Variants in ADCY5 observed in about 807,000 individuals in gnomAD.
The protein encoded by ADCY5 is adenylate cyclase type 5.
A neutral mutation model predicts 119.7 loss-of-function variants in ADCY5; 30 were observed. The ratio of observed to expected loss-of-function variants is 0.25; its 90% CI spans 0.19 to 0.34. The LOEUF (loss-of-function observed/expected upper bound fraction) is 0.34, where lower values mean the gene tolerates loss of function less well. Among genes scored for constraint, ADCY5 ranks in the 10% least tolerant of loss-of-function variants. The pLI is 1.00. For synonymous variants in ADCY5, 753 were observed against 762.2 expected, an observed-to-expected ratio of 0.99 and a Z score of 0.20; for missense variants, 1,324 against 1,775.2, an observed-to-expected ratio of 0.75 and a Z score of 4.57.
Position 123,352,587 on chromosome 3 carries a change from G to A in ADCY5, c.1135-6C>T. 6.2e-7 allele frequency: 1 copy of A among 1,607,272 alleles called. No individual in the cohort carries two copies. Among genetic ancestry groups the A allele is most frequent in the Non-Finnish European group, 8.5e-7 (1 of 1,175,278 alleles). On this transcript the variant is annotated splice_polypyrimidine_tract_variant and splice_region_variant and intron_variant, in intron 1 of 20. Coordinates refer to ENST00000462833, the MANE Select transcript of ADCY5 (RefSeq NM_183357.3). This position sits in a 1 kb window ranked among gnomAD's most constrained non-coding sequence, Gnocchi z 4.8. ...ATGAGAACATTGGAGACAAGCTGCA[G>A]AGGGAGAGAGGAGCACACCTAGCTC... is the stretch of plus-strand genomic sequence containing the variant.
Position 123,286,871 on chromosome 3 carries a change from T to A in ADCY5, c.3533-62A>T. The A allele has an allele frequency of 6.6e-7, 1 of 1,520,702 alleles. No individual in the cohort carries two copies. Among genetic ancestry groups the A allele is most frequent in the Non-Finnish European group, 8.8e-7 (1 of 1,137,564 alleles). The allele number at this position is 1,520,702 out of a possible 1,614,324, so 94.2% of individuals were successfully genotyped here. ...TCTGGCTTGACCTTGCCACCATCTG[T>A]CTCCCCACATGCTGCAGGTCCTTCT... is the stretch of plus-strand genomic sequence containing the variant. On this transcript the variant is annotated intron_variant, in intron 19 of 20. Transcript: ENST00000462833. This position sits in a 1 kb window ranked among gnomAD's most constrained non-coding sequence, Gnocchi z 4.2.
rs1388289268 is a variant in ADCY5, at chr3:123,332,537, C to T, written c.1518+27G>A. 5 of 1,575,246 alleles carry T rather than the reference C, an allele frequency of 3.2e-6. No homozygotes were observed. In the African/African-American group the frequency reaches 6.8e-5, roughly 21 times the overall value. Reference sequence around the variant, plus strand: ...CCCTCAACAGCCCAGGTCAGGCCACCCCAACCCCCGGCTCAGGGTGACTCA... The same window carrying T: ...CCCTCAACAGCCCAGGTCAGGCCACTCCAACCCCCGGCTCAGGGTGACTCA... On this transcript the variant is annotated intron_variant, in intron 4 of 20. Coordinates refer to ENST00000462833, the MANE Select transcript of ADCY5 (RefSeq NM_183357.3).
intron 3 of ADCY5, among the ~76,000 whole-genome samples, chr3:123,338,354 C>T (rs560464059): frequency 6.6e-6 from 1 of 152,230 alleles, no homozygotes; most frequent in Non-Finnish European, 1.5e-5. Context: ...CACATTCCCC[C>T]ACCTCCTGTC....
chr3:123,386,287 TC>T (rs200989924), intron 1 of ADCY5, among the ~76,000 whole-genome samples: 1 of 114,060 alleles, frequency 8.8e-6, no homozygotes, highest in South Asian at 3.4e-4. Context: ...GAGGCCACCA[TC>T]CTTAACGTCA....
rs1432763261 is a variant in ADCY5, at chr3:123,300,242, C to G, written c.2778G>C (p.Gln926His). 1 of 1,613,760 alleles carries G rather than the reference C, an allele frequency of 6.2e-7. No homozygotes were observed. Among genetic ancestry groups the G allele is most frequent in the Non-Finnish European group, 8.5e-7 (1 of 1,180,054 alleles). ...LSLLACSVFL[Q>H]ISCIGKLVLM... ...GCACCAGCTTCCCGATGCAGCTGAT[C>G]TGCAGGAACACGGAGCAGGCCAGCA... The change falls in exon 15 of 21, where the codon CAG becomes CAC. Residue 926 changes from glutamine (Q) to histidine (H), a missense_variant. This residue lies in a region of ADCY5 where 424 missense variants were observed against 546.8 expected (regional missense o/e 0.78). Transcript: ENST00000462833.
intron 1 of ADCY5, among the ~76,000 whole-genome samples, chr3:123,383,970 A>ACG (rs1378679236): frequency 1.8e-5 from 2 of 109,796 alleles, no homozygotes; most frequent in East Asian, 9.5e-4. Context: ...GCGCGCGCGC[A>ACG]CACACACACA....
intron 1 of ADCY5, among the ~76,000 whole-genome samples, chr3:123,364,670 G>C (rs1035638431): frequency 3.3e-5 from 5 of 151,946 alleles, no homozygotes; most frequent in African/African-American, 1.2e-4. Flanking sequence ...TAATCTAGGA[G>C]GCATTAAAAC....
At chr3:123,381,604 T>G (rs1218475438) in intron 1 of ADCY5, among the ~76,000 whole-genome samples, 1 of 152,246 alleles carries the variant, frequency 6.6e-6, no homozygotes, top group Non-Finnish European at 1.5e-5. Context: ...AATACTCTGT[T>G]GTTTCTGTCT....
chr3:123,419,929 C>A (rs752616614), intron 1 of ADCY5, among the ~76,000 whole-genome samples: 1 of 151,928 alleles, frequency 6.6e-6, no homozygotes, highest in African/African-American at 2.4e-5. Flanking sequence ...TTGTAGACAC[C>A]CCCCCACCCC....
At chr3:123,405,566 C>G (rs1056564438) in intron 1 of ADCY5, among the ~76,000 whole-genome samples, 41 of 152,182 alleles carry the variant, frequency 2.7e-4, no homozygotes, top group African/African-American at 9.9e-4. Context: ...ATGCAAGGCC[C>G]GTGGCCTTCC....
At chr3:123,368,186 T>G in intron 1 of ADCY5, 1 of 633,200 alleles carries the variant, frequency 1.6e-6, no homozygotes, top group East Asian at 3.1e-5. Flanking sequence ...ATGGAGCTAA[T>G]GACGCCTGCG....
At chr3:123,433,710 T>C (rs944178523) in intron 1 of ADCY5, among the ~76,000 whole-genome samples, 2 of 152,052 alleles carry the variant, frequency 1.3e-5, no homozygotes, top group Non-Finnish European at 2.9e-5. Flanking sequence ...GGGTCAGACT[T>C]CCAGGGCTGT....
At chr3:123,441,980 G>GAA (rs11382207) in intron 1 of ADCY5, among the ~76,000 whole-genome samples, 5,816 of 138,996 alleles carry the variant, frequency 0.042, 448 homozygotes, top group East Asian at 0.34. Context: ...CTTAAGGAAG[G>GAA]AAAAAAAAAA....
At chr3:123,339,587 T>C (rs1392378691) in intron 3 of ADCY5, among the ~76,000 whole-genome samples, 1 of 152,094 alleles carries the variant, frequency 6.6e-6, no homozygotes, top group Non-Finnish European at 1.5e-5. Flanking sequence ...CTCTCCACTC[T>C]CACAAGGACA....
chr3:123,318,067 C>A lies in ADCY5; in HGVS notation c.2307G>T (p.Ser769=), dbSNP rs200652199. 23 of 1,613,756 alleles carry A rather than the reference C, an allele frequency of 1.4e-5. No individual in the cohort carries two copies. The highest frequency in any genetic ancestry group is 2.2e-5 in the South Asian group (2 of 91,068). Reference sequence around the variant, plus strand: ...CAAAGCAGATGAAGAGGAAGACGAGCGAGGCACACGCCACATAGGCACCAA... The same window carrying A: ...CAAAGCAGATGAAGAGGAAGACGAGAGAGGCACACGCCACATAGGCACCAA... The part of the protein sequence containing the change: ...DRFGAYVACA[S]LVFLFICFVQ... The change falls in exon 11 of 21, where the codon TCG becomes TCT. Residue 769 remains serine (S), a synonymous_variant. Coordinates refer to ENST00000462833, the MANE Select transcript of ADCY5 (RefSeq NM_183357.3).
At chr3:123,336,738 GGCCTCTGCCCACCCGTGC>G (rs1159942676) in intron 3 of ADCY5, among the ~76,000 whole-genome samples, 2 of 152,184 alleles carry the variant, frequency 1.3e-5, no homozygotes, top group Non-Finnish European at 2.9e-5. Flanking sequence ...AGGTGGGCCA[GGCCTCTGCCCACCCGTGC>G]ACTGGATGGC....
At chr3:123,321,815 G>C (rs1300950789) in intron 8 of ADCY5, among the ~76,000 whole-genome samples, 1 of 152,214 alleles carries the variant, frequency 6.6e-6, no homozygotes, top group African/African-American at 2.4e-5. Context: ...AATAGACATG[G>C]GGCCCTGGTG....
rs114460249 is a variant in ADCY5 at position 123,298,202 on chromosome 3, C to A, written c.2901-820G>T. Reference sequence around the variant, plus strand: ...TTTAATAGACGTGGGATTTTGTAGGCCAGGCTGGACTCAAGTGATCCAACC... The same window carrying A: ...TTTAATAGACGTGGGATTTTGTAGGACAGGCTGGACTCAAGTGATCCAACC... On this transcript the variant is annotated intron_variant, in intron 15 of 20. Transcript: ENST00000462833. Among the ~76,000 whole-genome samples, 190 of 152,132 alleles carry A rather than the reference C, an allele frequency of 1.2e-3. 1 individual carries two copies. The highest frequency in any genetic ancestry group is 5.5e-3 in the Admixed American group (84 of 15,272).
chr3:123,296,351 CAA>C, intron 16 of ADCY5, 135 bp from the exon 17 acceptor site: 1 of 1,094,552 alleles, frequency 9.1e-7, no homozygotes, highest in East Asian at 2.7e-5. Flanking sequence ...TCCCCCTGCT[CAA>C]ACTTTGCCGC....
Sources: gnomAD v4.1 joint callset for allele counts (sites outside exome capture counted in the v4.1 genomes callset) on GRCh38, gnomAD v4.1.1 for gene constraint, gnomAD v4.1.1 regional missense constraint, Gnocchi (gnomAD v3.1) non-coding constraint, MANE v1.5 for transcripts, NCBI Gene and HGNC (gene_info 2026-07-23, HGNC 2026-07-21) for gene names.